EXT1: variants seen among roughly 807,000 people sequenced by gnomAD.
EXT1 encodes the protein exostosin glycosyltransferase 1.
A neutral mutation model predicts 82.5 loss-of-function variants in EXT1; 20 were observed. The ratio of observed to expected loss-of-function variants is 0.24; its 90% CI spans 0.17 to 0.35. The LOEUF (loss-of-function observed/expected upper bound fraction) is 0.35, where lower values mean the gene tolerates loss of function less well. Among genes scored for constraint, EXT1 ranks in the 10% least tolerant of loss-of-function variants. The pLI is 1.00. For synonymous variants in EXT1, 348 were observed against 350.8 expected (o/e 0.99, Z 0.09); for missense variants, 757 against 936.5 (o/e 0.81, Z 2.50).
intron 1 of EXT1, among the ~76,000 whole-genome samples, chr8:118,070,224 T>TTGTGTG (rs1387281142): frequency 8.2e-6 from 1 of 121,510 alleles, no homozygotes; most frequent in East Asian, 2.7e-4. Context: ...CATCATAAAT[T>TTGTGTG]TCTGTGTGTG....
chr8:117,813,095 G>A (rs990090522), intron 7 of EXT1, 134 bp from the exon 8 acceptor site: 16 of 729,250 alleles, frequency 2.2e-5, no homozygotes, highest in Non-Finnish European at 2.7e-5. Flanking sequence ...CCTCAACACC[G>A]AAGGAATCTC....
intron 1 of EXT1, among the ~76,000 whole-genome samples, chr8:117,983,930 T>C (rs981770150): frequency 6.6e-6 from 1 of 152,236 alleles, no homozygotes; most frequent in African/African-American, 2.4e-5. Context: ...CAGAGAGTTG[T>C]AGTTGAGAAA....
At chr8:118,091,604 G>A (rs1817525024) in intron 1 of EXT1, among the ~76,000 whole-genome samples, 2 of 152,098 alleles carry the variant, frequency 1.3e-5, no homozygotes, top group South Asian at 4.2e-4. Context: ...AATTAGCCGG[G>A]CATGGTGGCG....
Position 117,819,897 on chromosome 8 carries a change from T to C in EXT1, c.1418-103A>G, listed in dbSNP as rs1282077374. The stretch of plus-strand genomic sequence containing the variant: ...GCCTCATGCTGGAGCAAATGTTCCC[T>C]CCTGGATGATTTCTCCTTTGCTTCT... On this transcript the variant is annotated intron_variant, in intron 5 of 10. Coordinates refer to ENST00000378204, the MANE Select transcript of EXT1 (RefSeq NM_000127.3). 65 of 1,072,026 alleles carry C rather than the reference T, an allele frequency of 6.1e-5. No individual in the cohort carries two copies. In the East Asian group the frequency reaches 1.5e-3, roughly 24 times the overall value. The allele number at this position is 1,072,026 out of a possible 1,614,324, so 66.4% of individuals were successfully genotyped here.
At chr8:117,812,293 C>T (rs1247970663) in intron 8 of EXT1, among the ~76,000 whole-genome samples, 1 of 152,136 alleles carries the variant, frequency 6.6e-6, no homozygotes, top group Non-Finnish European at 1.5e-5. Context: ...CCTCCACGCG[C>T]ATTCTTTAGG....
chr8:117,954,646 A>G (rs940386849), intron 1 of EXT1, among the ~76,000 whole-genome samples: 1 of 152,196 alleles, frequency 6.6e-6, no homozygotes, highest in African/African-American at 2.4e-5. Context: ...ATATAATTCA[A>G]AACCCCATTA....
intron 10 of EXT1, among the ~76,000 whole-genome samples, chr8:117,802,246 C>T (rs1823177450): frequency 1.3e-5 from 2 of 152,154 alleles, no homozygotes; most frequent in African/African-American, 2.4e-5. Context: ...TAGCACAAAT[C>T]CACCCCCTAA....
intron 1 of EXT1, among the ~76,000 whole-genome samples, chr8:117,837,483 TGCTTCCA>T (rs1327671342): frequency 6.6e-6 from 1 of 152,178 alleles, no homozygotes; most frequent in African/African-American, 2.4e-5. Context: ...GCCCAGTCTT[TGCTTCCA>T]AAATCAGATT....
At chr8:118,091,184 T>G (rs1175569119) in intron 1 of EXT1, among the ~76,000 whole-genome samples, 2 of 152,206 alleles carry the variant, frequency 1.3e-5, no homozygotes, top group Admixed American at 1.3e-4. Context: ...GAGGCCTATC[T>G]TAGACAATAC....
At chr8:118,078,859 C>T (rs1161498552) in intron 1 of EXT1, among the ~76,000 whole-genome samples, 1 of 152,082 alleles carries the variant, frequency 6.6e-6, no homozygotes, top group Non-Finnish European at 1.5e-5. Context: ...AAAGATCAGA[C>T]TTTTGAGAAC....
rs191657753 is a variant in EXT1, at chr8:117,982,771, C to T, written c.962+127314G>A. Among the ~76,000 whole-genome samples the T allele has an allele frequency of 1.4e-4, 21 of 152,142 alleles. No homozygotes were observed. The East Asian group carries it at 3.1e-3, about 22-fold the overall frequency. Reference sequence around the variant, plus strand: ...CCTCCCAAAGTGCTGGGATTACAGGCGTGAGCCACCATGCCTGGCTAGGGC... The same window carrying T: ...CCTCCCAAAGTGCTGGGATTACAGGTGTGAGCCACCATGCCTGGCTAGGGC... On this transcript the variant is annotated intron_variant, in intron 1 of 10. Transcript: ENST00000378204.
intron 1 of EXT1, among the ~76,000 whole-genome samples, chr8:118,001,376 G>T (rs537712895): frequency 1.1e-4 from 17 of 152,136 alleles, no homozygotes; most frequent in Non-Finnish European, 2.4e-4. Context: ...GTAGAGACGG[G>T]GTTTCGCCAT....
intron 4 of EXT1, among the ~76,000 whole-genome samples, chr8:117,825,856 T>G (rs893853703): frequency 6.6e-6 from 1 of 152,200 alleles, no homozygotes; most frequent in Non-Finnish European, 1.5e-5. Flanking sequence ...GAAGCATACT[T>G]CATTAAAACT....
chr8:118,043,030 T>A (rs373901658), intron 1 of EXT1, among the ~76,000 whole-genome samples: 1 of 152,218 alleles, frequency 6.6e-6, no homozygotes, highest in Non-Finnish European at 1.5e-5. Context: ...CAGTCTCAAA[T>A]GCGTGCTCTA....
At chr8:117,820,376 T>C (rs971251345) in intron 5 of EXT1, among the ~76,000 whole-genome samples, 4 of 152,044 alleles carry the variant, frequency 2.6e-5, no homozygotes, top group African/African-American at 9.7e-5. Flanking sequence ...CAGTGCCAAA[T>C]ATGGGGTTAT....
intron 8 of EXT1, among the ~76,000 whole-genome samples, chr8:117,810,856 TAG>T (rs754982851): frequency 6.6e-6 from 1 of 152,160 alleles, no homozygotes; most frequent in Non-Finnish European, 1.5e-5. Flanking sequence ...CGAGGCAGGA[TAG>T]AGAGAGAGGT....
At chr8:118,109,553 T>C (rs1367170834) in intron 1 of EXT1, among the ~76,000 whole-genome samples, 1 of 151,982 alleles carries the variant, frequency 6.6e-6, no homozygotes, top group Admixed American at 6.6e-5. Flanking sequence ...CAAAGTTCGA[T>C]ACAATTTAAA....
At chr8:117,854,703 C>T (rs985321294) in intron 1 of EXT1, among the ~76,000 whole-genome samples, 3 of 152,210 alleles carry the variant, frequency 2.0e-5, no homozygotes, top group Non-Finnish European at 2.9e-5. Flanking sequence ...TAATTACATA[C>T]AGTATTGCGT....
intron 1 of EXT1, among the ~76,000 whole-genome samples, chr8:117,841,079 A>G (rs1210422168): frequency 6.6e-6 from 1 of 152,244 alleles, no homozygotes; most frequent in Non-Finnish European, 1.5e-5. Context: ...TGTATCCCAG[A>G]GAAATGGAAA....
Sources: gnomAD v4.1 joint callset for allele counts (sites outside exome capture counted in the v4.1 genomes callset) on GRCh38, gnomAD v4.1.1 for gene constraint, MANE v1.5 for transcripts, NCBI Gene and HGNC (gene_info 2026-07-23, HGNC 2026-07-21) for gene names.